Variants in CLTC observed in about 807,000 individuals in gnomAD.
CLTC encodes the protein clathrin heavy chain 1.
Under a neutral mutation model 195.8 loss-of-function variants are expected in CLTC, and 16 were observed. The observed-to-expected ratio is 0.08, with a 90% CI of 0.06 to 0.12. The LOEUF (loss-of-function observed/expected upper bound fraction) is 0.12, where lower values mean the gene tolerates loss of function less well. Among genes scored for constraint, CLTC ranks in the 10% least tolerant of loss-of-function variants. The probability of loss-of-function intolerance (pLI) is 1.00; values close to 1 mark genes in which losing one functional copy is unlikely to be tolerated. For missense variants in CLTC, 796 were observed against 2,027.0 expected, an observed-to-expected ratio of 0.39 and a Z score of 11.66; for synonymous variants, 667 against 689.4, an observed-to-expected ratio of 0.97 and a Z score of 0.51.
intron 14 of CLTC, 69 bp from the exon 15 acceptor site, chr17:59,673,578 C>A: frequency 8.2e-7 from 1 of 1,217,196 alleles, no homozygotes. Flanking sequence ...AACAAATTCT[C>A]ATATGTTACA....
intron 8 of CLTC, among the ~76,000 whole-genome samples, chr17:59,663,022 AACAGTCATATGGG>A (rs1312750526): frequency 6.6e-6 from 1 of 152,244 alleles, no homozygotes; most frequent in East Asian, 1.9e-4. Context: ...CTTTTCTGTG[AACAGTCATATGGG>A]ACCATTTGTG....
chr17:59,674,599 A>G (rs1480392432), intron 15 of CLTC, 102 bp from the exon 16 acceptor site: 11 of 1,131,394 alleles, frequency 9.7e-6, no homozygotes, highest in Non-Finnish European at 1.3e-5. Flanking sequence ...AACTTAAAGA[A>G]AAAAAAACTG....
intron 2 of CLTC, chr17:59,645,979 A>G (rs1387168142): frequency 1.2e-5 from 9 of 774,522 alleles, no homozygotes; most frequent in Non-Finnish European, 1.4e-5. Context: ...TGTTATTGTT[A>G]TCTTATCACA....
At chr17:59,655,597 C>T (rs2032447084) in intron 5 of CLTC, among the ~76,000 whole-genome samples, 1 of 152,150 alleles carries the variant, frequency 6.6e-6, no homozygotes, top group African/African-American at 2.4e-5. Context: ...ATGAGGTATC[C>T]CTGTAATACG....
rs2033112603 is a variant in CLTC at position 59,683,080 on chromosome 17, A to AT, written c.3874-12dup. 1 of 1,613,966 alleles carries AT rather than the reference A, an allele frequency of 6.2e-7. No homozygotes were observed. The highest frequency in any genetic ancestry group is 8.5e-7 in the Non-Finnish European group (1 of 1,179,908). ...TAGATATTCTTATCTTTAACTGCACATTTCTCTTGTTCAGGATCGTGGCTA... is the reference window on the plus strand; with the variant it reads ...TAGATATTCTTATCTTTAACTGCACATTTTCTCTTGTTCAGGATCGTGGCTA... On this transcript the variant is annotated splice_polypyrimidine_tract_variant and intron_variant, in intron 24 of 31. Coordinates refer to ENST00000269122, the MANE Select transcript of CLTC (RefSeq NM_004859.4). This position sits in a 1 kb window ranked among gnomAD's most constrained non-coding sequence, Gnocchi z 6.1.
chr17:59,669,997 C>G (rs2032811309), intron 14 of CLTC, among the ~76,000 whole-genome samples: 1 of 152,084 alleles, frequency 6.6e-6, no homozygotes, highest in African/African-American at 2.4e-5. Context: ...TGAAACTGCT[C>G]TACATTTTAG....
At chr17:59,660,258 T>A (rs186272789) in intron 6 of CLTC, 133 bp from the exon 7 acceptor site, 1 of 755,858 alleles carries the variant, frequency 1.3e-6, no homozygotes, top group East Asian at 2.7e-5. Context: ...CATTATTTTT[T>A]AATGGCAGCA....
At chr17:59,684,709 G>A (rs2033143739) in intron 28 of CLTC, among the ~76,000 whole-genome samples, 1 of 151,638 alleles carries the variant, frequency 6.6e-6, no homozygotes, top group African/African-American at 2.4e-5. Flanking sequence ...GGGAGGCTGA[G>A]GCCGGAGAAT....
At chr17:59,670,217 T>A (rs2143564511) in intron 14 of CLTC, among the ~76,000 whole-genome samples, 1 of 151,328 alleles carries the variant, frequency 6.6e-6, no homozygotes, top group Non-Finnish European at 1.5e-5. Flanking sequence ...CTATTTCCTT[T>A]AAAAAAAACA....
At chr17:59,675,093 T>G (rs1284386752) in intron 16 of CLTC, among the ~76,000 whole-genome samples, 1 of 152,196 alleles carries the variant, frequency 6.6e-6, no homozygotes, top group South Asian at 2.1e-4. Flanking sequence ...ATTACAGCTA[T>G]GTGGTTTGAC....
Position 59,679,491 on chromosome 17 carries a change from A to G in CLTC, c.2891A>G (p.Asn964Ser), listed in dbSNP as rs770723620. ...TGGGGCAGCGTGCTGCTGGAAAGCAATCCTTACAGGAGACCCCTAATTGAC... is the reference window on the plus strand; with the variant it reads ...TGGGGCAGCGTGCTGCTGGAAAGCAGTCCTTACAGGAGACCCCTAATTGAC... Reference protein sequence around the residue: ...ELWGSVLLESNPYRRPLIDQV... With the variant: ...ELWGSVLLESSPYRRPLIDQV... The change falls in exon 18 of 32, where the codon AAT becomes AGT. Residue 964 changes from asparagine to serine, a missense_variant. By Grantham distance (46) the Asn-to-Ser change is conservative (BLOSUM62 1). Transcript: ENST00000269122. 3.7e-6 allele frequency: 6 copies of G among 1,610,474 alleles called. No individual in the cohort carries two copies. Among genetic ancestry groups the G allele is most frequent in the Non-Finnish European group, 5.1e-6 (6 of 1,178,082 alleles).
intron 2 of CLTC, among the ~76,000 whole-genome samples, chr17:59,644,795 C>T (rs2032146511): frequency 6.6e-6 from 1 of 152,298 alleles, no homozygotes. Context: ...TCATGATCCG[C>T]CTGCCTCGGC....
At chr17:59,632,722 T>C (rs1291816104) in intron 1 of CLTC, among the ~76,000 whole-genome samples, 6 of 152,166 alleles carry the variant, frequency 3.9e-5, no homozygotes. Context: ...AAAGTAATAC[T>C]AGTTTTTTAA....
intron 1 of CLTC, among the ~76,000 whole-genome samples, chr17:59,629,169 C>T (rs2031638284): frequency 6.6e-6 from 1 of 152,202 alleles, no homozygotes; most frequent in South Asian, 2.1e-4. Flanking sequence ...CCATCTCTTT[C>T]TCCAGTCTCT....
rs1330732593 is a variant in CLTC, at chr17:59,648,625, C to T, written c.681+224C>T. The T allele has an allele frequency of 4.1e-6, 2 of 492,956 alleles. No individual in the cohort carries two copies. The highest frequency in any genetic ancestry group is 7.3e-6 in the Non-Finnish European group (2 of 274,226). The allele number at this position is 492,956 out of a possible 1,614,324, so 30.5% of individuals were successfully genotyped here. On this transcript the variant is annotated intron_variant, in intron 4 of 31. Coordinates refer to ENST00000269122, the MANE Select transcript of CLTC (RefSeq NM_004859.4). This position sits in a 1 kb window ranked among gnomAD's most constrained non-coding sequence, Gnocchi z 4.5. The stretch of plus-strand genomic sequence containing the variant: ...GTTGGCTGTTTATATTCTTTGATTG[C>T]TAAAGTGCACATTTATATGCTGTAC...
intron 9 of CLTC, among the ~76,000 whole-genome samples, chr17:59,664,238 G>C (rs1042644656): frequency 4.6e-5 from 7 of 152,160 alleles, no homozygotes; most frequent in Non-Finnish European, 1.0e-4. Context: ...ACAAACTTTT[G>C]AAATATTCAT....
Position 59,663,055 on chromosome 17 carries a change from A to G in CLTC, c.1369-787A>G, listed in dbSNP as rs1004260471. 3.9e-5 allele frequency among the ~76,000 whole-genome samples: 6 copies of G among 152,346 alleles called. No individual in the cohort carries two copies. In the South Asian group the frequency reaches 1.0e-3, roughly 26 times the overall value. On this transcript the variant is annotated intron_variant, in intron 8 of 31. Transcript: ENST00000269122. ...TATGGGACCATTTGTGGTATTAATA[A>G]AAGAGACATTAATCAACTATTCATT...
In CLTC at chr17:59,694,844, TGAGGCATTAGG is replaced by T. The variant is rs2033385924; in HGVS notation, c.*1000_*1010del. ...GTTTTTGTAGTTTTATATTGGATAC[TGAGGCATTAGG>T]GAGGCATGAAAGGAAGAGGAATGAG... is the stretch of plus-strand genomic sequence containing the variant. On this transcript the variant is annotated 3_prime_UTR_variant, in exon 32 of 32. Coordinates refer to ENST00000269122, the MANE Select transcript of CLTC (RefSeq NM_004859.4). 1 of 226,048 alleles carries T rather than the reference TGAGGCATTAGG, an allele frequency of 4.4e-6. No individual in the cohort carries two copies. Among genetic ancestry groups the T allele is most frequent in the East Asian group, 6.4e-5 (1 of 15,562 alleles). The allele number at this position is 226,048 out of a possible 1,614,324, so 14.0% of individuals were successfully genotyped here.
At chr17:59,657,198 A>G (rs1264836856) in intron 6 of CLTC, among the ~76,000 whole-genome samples, 1 of 152,148 alleles carries the variant, frequency 6.6e-6, no homozygotes, top group Non-Finnish European at 1.5e-5. Flanking sequence ...CTCTAGGGAA[A>G]GGGAGTGCAT....
Sources: allele counts gnomAD v4.1 joint callset (sites outside exome capture counted in the v4.1 genomes callset), GRCh38; gene constraint gnomAD v4.1.1; non-coding constraint Gnocchi (gnomAD v3.1); transcripts MANE v1.5; gene names NCBI Gene and HGNC (gene_info 2026-07-23, HGNC 2026-07-21).